The following PDE1C variants were observed in gnomAD, a reference collection of about 807,000 sequenced individuals.
PDE1C encodes the protein dual specificity calcium/calmodulin-dependent 3',5'-cyclic nucleotide phosphodiesterase 1C.
A neutral mutation model predicts 93.1 loss-of-function variants in PDE1C; 62 were observed. That is an observed-to-expected ratio of 0.67 (90% CI 0.54 to 0.82). The LOEUF is 0.82. Ranked by LOEUF, PDE1C falls within the 40% of genes least tolerant of loss-of-function variation. The probability of loss-of-function intolerance (pLI) is 0.00; values close to 1 mark genes in which losing one functional copy is unlikely to be tolerated. For synonymous variants in PDE1C, 325 were observed against 310.1 expected (o/e 1.05, Z -0.50); for missense variants, 742 against 884.6 (o/e 0.84, Z 2.04).
At chr7:31,673,244 A>G in the PDE1C span, among the ~76,000 whole-genome samples, 2 of 152,200 alleles carry the variant, frequency 1.3e-5, no homozygotes, top group African/African-American at 4.8e-5. Context: ...GGGATTTTAT[A>G]TGATTTATAG....
At chr7:31,855,639 T>C (rs1379868096) in intron 7 of PDE1C, among the ~76,000 whole-genome samples, 1 of 150,712 alleles carries the variant, frequency 6.6e-6, no homozygotes, top group Non-Finnish European at 1.5e-5. Context: ...ATTGATATTA[T>C]GTATTAATAT....
At chr7:31,926,577 A>C (rs1287129780) in intron 2 of PDE1C, among the ~76,000 whole-genome samples, 1 of 152,152 alleles carries the variant, frequency 6.6e-6, no homozygotes, top group Non-Finnish European at 1.5e-5. Flanking sequence ...CTGCATTTCC[A>C]GCTGAGGTAC....
chr7:31,838,674 C>T (rs1015916660), intron 9 of PDE1C, among the ~76,000 whole-genome samples: 7 of 152,218 alleles, frequency 4.6e-5, no homozygotes, highest in East Asian at 3.9e-4. Flanking sequence ...TGTGCTCCTT[C>T]GATTCACCCC....
chr7:31,662,120 T>C, the PDE1C span, among the ~76,000 whole-genome samples: 1 of 152,182 alleles, frequency 6.6e-6, no homozygotes, highest in Non-Finnish European at 1.5e-5. Flanking sequence ...GCTGTAGAGC[T>C]GGAAAAGTGA....
chr7:31,762,846 G>A (rs974251502), intron 17 of PDE1C, among the ~76,000 whole-genome samples: 2 of 152,162 alleles, frequency 1.3e-5, no homozygotes, highest in East Asian at 3.9e-4. Flanking sequence ...ATGGAAAGAT[G>A]ACCCAACCAG....
chr7:31,996,122 G>C lies in PDE1C; in HGVS notation c.128+55432C>G, dbSNP rs59006054. The stretch of plus-strand genomic sequence containing the variant: ...ACACACACACTTCCATGCATTCACT[G>C]GGTGTAAAAACCAAGTTGAGAGAGA... On this transcript the variant is annotated intron_variant, in intron 2 of 17. Coordinates refer to ENST00000396191, the MANE Select transcript of PDE1C (RefSeq NM_001191057.4). Among the ~76,000 whole-genome samples, 584 of 150,700 alleles carry C rather than the reference G, an allele frequency of 3.9e-3. 4 individuals are homozygous for C. Among genetic ancestry groups the C allele is most frequent in the African/African-American group, 0.013 (539 of 40,976 alleles).
intron 1 of PDE1C, among the ~76,000 whole-genome samples, chr7:32,224,127 C>T (rs1468102342): frequency 6.6e-6 from 1 of 152,218 alleles, no homozygotes; most frequent in Non-Finnish European, 1.5e-5. Flanking sequence ...AATCCTAGCA[C>T]TTTGGGAGGC....
At chr7:31,874,089 A>T (rs1002196890) in intron 5 of PDE1C, among the ~76,000 whole-genome samples, 1 of 152,216 alleles carries the variant, frequency 6.6e-6, no homozygotes, top group African/African-American at 2.4e-5. Context: ...TGACAGAAAA[A>T]TGCTACCATT....
intron 1 of PDE1C, among the ~76,000 whole-genome samples, chr7:32,069,305 C>A (rs765184049): frequency 5.3e-5 from 8 of 152,136 alleles, no homozygotes; most frequent in Non-Finnish European, 7.4e-5. Context: ...AGCAGCAAAA[C>A]AAACAAACTG....
the PDE1C span, among the ~76,000 whole-genome samples, chr7:31,716,992 G>A: frequency 1.3e-5 from 2 of 152,116 alleles, no homozygotes; most frequent in Non-Finnish European, 2.9e-5. Context: ...ACATAAAAGA[G>A]CTCTTGAAGA....
chr7:32,170,476 T>G (rs2128805169), intron 2 of PDE1C, among the ~76,000 whole-genome samples: 1 of 152,086 alleles, frequency 6.6e-6, no homozygotes, highest in East Asian at 1.9e-4. Flanking sequence ...GAGATAAATA[T>G]TAAAGGTGGG....
At chr7:31,976,913 G>A (rs1168916486) in intron 2 of PDE1C, among the ~76,000 whole-genome samples, 2 of 152,012 alleles carry the variant, frequency 1.3e-5, no homozygotes, top group Non-Finnish European at 2.9e-5. Flanking sequence ...GTTCTCAAAG[G>A]GTGGTCCCAG....
intron 1 of PDE1C, among the ~76,000 whole-genome samples, chr7:32,425,167 G>A (rs993666475): frequency 6.6e-6 from 1 of 151,874 alleles, no homozygotes; most frequent in African/African-American, 2.4e-5. Flanking sequence ...TAAAGTACAA[G>A]TTTTAGATTG....
intron 16 of PDE1C, among the ~76,000 whole-genome samples, chr7:31,795,301 G>T (rs1258549460): frequency 6.6e-6 from 1 of 151,702 alleles, no homozygotes; most frequent in Non-Finnish European, 1.5e-5. Context: ...CAAATATATT[G>T]TTACTTGTGT....
intron 9 of PDE1C, among the ~76,000 whole-genome samples, chr7:31,838,283 A>G (rs954990003): frequency 6.6e-6 from 1 of 152,232 alleles, no homozygotes; most frequent in Non-Finnish European, 1.5e-5. Flanking sequence ...AGTTTTAAGA[A>G]AGAATTAACT....
chr7:31,885,701 CT>C, intron 2 of PDE1C, among the ~76,000 whole-genome samples: 1 of 152,090 alleles, frequency 6.6e-6, no homozygotes, highest in African/African-American at 2.4e-5. Context: ...AGAGATATTT[CT>C]TTTTTTTCCA....
At chr7:31,754,226 T>G (rs1157156856) in intron 17 of PDE1C, among the ~76,000 whole-genome samples, 1 of 152,198 alleles carries the variant, frequency 6.6e-6, no homozygotes, top group Non-Finnish European at 1.5e-5. Context: ...TCTAAAAAAC[T>G]TGACAACACC....
intron 2 of PDE1C, among the ~76,000 whole-genome samples, chr7:31,959,323 G>A (rs533110684): frequency 5.3e-4 from 80 of 152,152 alleles, no homozygotes; most frequent in African/African-American, 1.9e-3. Context: ...TGATTCTCCT[G>A]CCTCAGCCCC....
At chr7:31,785,674 A>G (rs1783849201) in intron 16 of PDE1C, 1 of 152,172 alleles carries the variant, frequency 6.6e-6, no homozygotes, top group Non-Finnish European at 1.5e-5. Flanking sequence ...CAAATGTCCA[A>G]GGAGGATCTT....
Sources: allele counts gnomAD v4.1 joint callset (sites outside exome capture counted in the v4.1 genomes callset), GRCh38; gene constraint gnomAD v4.1.1; transcripts MANE v1.5; gene names NCBI Gene and HGNC (gene_info 2026-07-23, HGNC 2026-07-21).